The following EDRF1 variants were observed in gnomAD, a reference collection of about 807,000 sequenced individuals.
EDRF1 encodes the protein erythroid differentiation regulatory factor 1, also known as erythroid differentiation-related factor 1.
A neutral mutation model predicts 148.7 loss-of-function variants in EDRF1; 69 were observed. The observed-to-expected ratio is 0.46, with a 90% CI of 0.38 to 0.57. EDRF1 has a LOEUF of 0.57. Among genes scored for constraint, EDRF1 ranks in the 20% least tolerant of loss-of-function variants. EDRF1 has a pLI of 0.00. For synonymous variants in EDRF1, 515 were observed against 532.8 expected (o/e 0.97, Z 0.46); for missense variants, 1,118 against 1,478.7 (o/e 0.76, Z 4.00).
chr10:125,725,632 T>G, intron 5 of EDRF1, 50 bp from the exon 6 acceptor site: 1 of 1,610,558 alleles, frequency 6.2e-7, no homozygotes, highest in Non-Finnish European at 8.5e-7. Flanking sequence ...GACTGTTGCA[T>G]GAAGTTAACT....
chr10:125,729,160 T>G, intron 7 of EDRF1, 56 bp downstream of exon 7: 4 of 1,512,058 alleles, frequency 2.6e-6, no homozygotes, highest in Non-Finnish European at 1.8e-6. Flanking sequence ...CTTTGTCATT[T>G]CAAAACTAGC....
intron 3 of EDRF1, 119 bp from the exon 4 acceptor site, chr10:125,723,692 G>A (rs1848115274): frequency 9.2e-7 from 1 of 1,090,908 alleles, no homozygotes; most frequent in Non-Finnish European, 1.3e-6. Flanking sequence ...AGTTCTATTT[G>A]TATAACCTTA....
At chr10:125,749,822 A>T in intron 22 of EDRF1, 1 of 467,300 alleles carries the variant, frequency 2.1e-6, no homozygotes, top group Non-Finnish European at 3.9e-6. Flanking sequence ...TGGAAAAAAA[A>T]TTGACAAATA....
chr10:125,724,473 G>T (rs1165543255), intron 4 of EDRF1, among the ~76,000 whole-genome samples: 4 of 152,144 alleles, frequency 2.6e-5, no homozygotes, highest in Non-Finnish European at 5.9e-5. Flanking sequence ...CAGATTTGTA[G>T]CCTGGGAGCA....
At chr10:125,736,047 A>T (rs1848713831) in intron 13 of EDRF1, 143 bp downstream of exon 13, 2 of 906,612 alleles carry the variant, frequency 2.2e-6, no homozygotes, top group South Asian at 3.5e-5. Context: ...CTGAATTCTT[A>T]AAGTTGGTTT....
chr10:125,745,922 T>C lies in EDRF1; in HGVS notation c.2806T>C (p.Tyr936His). Residue 936 changes from tyrosine (Y) to histidine (H), a missense_variant, in exon 19 of 25, where the codon TAT becomes CAT. Physicochemically the swap from Tyr to His is moderately conservative, Grantham distance 83 (BLOSUM62 2). Coordinates refer to ENST00000356792, the MANE Select transcript of EDRF1 (RefSeq NM_001202438.2). ...ATTTTCACCAGAAGAAGGCTTGTAT[T>C]ATAATAAGGTAACACATTCGCGTAC... ...REFSPEEGLY[Y>H]NKAIDYYLKA... 4 of 1,614,132 alleles carry C rather than the reference T, an allele frequency of 2.5e-6. No homozygotes were observed. The highest frequency in any genetic ancestry group is 2.5e-6 in the Non-Finnish European group (3 of 1,180,006).
intron 6 of EDRF1, among the ~76,000 whole-genome samples, chr10:125,727,673 C>A (rs1365884437): frequency 6.6e-6 from 1 of 152,210 alleles, no homozygotes; most frequent in Non-Finnish European, 1.5e-5. Context: ...TGCTTATAGT[C>A]ACACACTCTT....
intron 15 of EDRF1, 49 bp downstream of exon 15, chr10:125,738,494 G>T (rs774977941): frequency 1.9e-6 from 3 of 1,608,396 alleles, no homozygotes; most frequent in Non-Finnish European, 2.6e-6. Flanking sequence ...ATAATACACT[G>T]GTTCTTTATC....
At chr10:125,739,825 G>A (rs974701715) in intron 15 of EDRF1, among the ~76,000 whole-genome samples, 1 of 152,176 alleles carries the variant, frequency 6.6e-6, no homozygotes, top group Non-Finnish European at 1.5e-5. Flanking sequence ...CAAGGATAGA[G>A]GCCATATAAC....
intron 24 of EDRF1, among the ~76,000 whole-genome samples, chr10:125,757,732 A>G (rs1222656919): frequency 2.0e-5 from 3 of 152,202 alleles, no homozygotes; most frequent in African/African-American, 7.2e-5. Flanking sequence ...CTTTTCATTC[A>G]GTACTTTAAA....
chr10:125,721,910 T>C (rs1848025600), intron 2 of EDRF1, among the ~76,000 whole-genome samples: 1 of 152,242 alleles, frequency 6.6e-6, no homozygotes, highest in African/African-American at 2.4e-5. Flanking sequence ...GAGAGTAGCC[T>C]GAGGTCTTAT....
intron 4 of EDRF1, 126 bp downstream of exon 4, chr10:125,724,062 A>T: frequency 9.1e-7 from 1 of 1,104,168 alleles, no homozygotes; most frequent in Non-Finnish European, 1.3e-6. Flanking sequence ...AGAAATTGAA[A>T]GTTTCACTGA....
intron 9 of EDRF1, chr10:125,731,893 A>G (rs1232683149): frequency 2.2e-6 from 1 of 453,386 alleles, no homozygotes; most frequent in Non-Finnish European, 4.4e-6. Context: ...TTCCTATTTG[A>G]TGGAAAGAGA....
At chr10:125,748,615 T>TA (rs1174834265) in intron 21 of EDRF1, 1 of 164,538 alleles carries the variant, frequency 6.1e-6, no homozygotes, top group Admixed American at 5.7e-5. Context: ...TAAGACTACT[T>TA]ACCTTACAGT....
intron 22 of EDRF1, among the ~76,000 whole-genome samples, chr10:125,751,073 C>G (rs183477897): frequency 2.0e-5 from 3 of 152,004 alleles, no homozygotes; most frequent in Non-Finnish European, 4.4e-5. Context: ...TCAGCCTCCC[C>G]GAGTAGCTGA....
intron 19 of EDRF1, 57 bp from the exon 20 acceptor site, chr10:125,747,479 C>T (rs2296833): frequency 0.31 from 483,160 of 1,557,948 alleles, 78,066 homozygotes; most frequent in South Asian, 0.44. Context: ...TATTTTAATG[C>T]AGTATTGGTA....
chr10:125,751,731 AT>A (rs1849652684), intron 22 of EDRF1, among the ~76,000 whole-genome samples: 2 of 152,210 alleles, frequency 1.3e-5, no homozygotes, highest in Admixed American at 6.5e-5. Flanking sequence ...AGGTTTGAGA[AT>A]TTGCTAAAGG....
In EDRF1 at chr10:125,725,173, T is replaced by C. The variant is rs1251210407; in HGVS notation, c.511-145T>C. 4 of 997,330 alleles carry C rather than the reference T, an allele frequency of 4.0e-6. No homozygotes were observed. In the African/African-American group the frequency reaches 4.9e-5, roughly 12 times the overall value. The allele number at this position is 997,330 out of a possible 1,614,324, so 61.8% of individuals were successfully genotyped here. A position where few individuals can be genotyped will look rare whatever the true frequency, so the allele number is the denominator to read the frequency against. ...AAAAACAAAAGAAAGGTGGTATGAA[T>C]TGACCCAGAAAGATATGTTTTTAAT... On this transcript the variant is annotated intron_variant, in intron 4 of 24. Coordinates refer to ENST00000356792, the MANE Select transcript of EDRF1 (RefSeq NM_001202438.2).
intron 22 of EDRF1, among the ~76,000 whole-genome samples, chr10:125,750,247 A>G (rs1849573211): frequency 6.6e-6 from 1 of 152,230 alleles, no homozygotes; most frequent in Admixed American, 6.5e-5. Context: ...CCTTAAACAT[A>G]GAACTGACCC....
Sources: allele counts gnomAD v4.1 joint callset (sites outside exome capture counted in the v4.1 genomes callset), GRCh38; gene constraint gnomAD v4.1.1; transcripts MANE v1.5; gene names NCBI Gene and HGNC (gene_info 2026-07-23, HGNC 2026-07-21).